Variants in VKORC1L1 observed in about 807,000 individuals in gnomAD.
VKORC1L1 encodes vitamin K epoxide reductase complex subunit 1-like protein 1.
VKORC1L1 carries 2 observed loss-of-function variants against 18.9 expected under a neutral mutation model. The observed-to-expected ratio is 0.11, with a 90% CI of 0.04 to 0.33. The LOEUF (loss-of-function observed/expected upper bound fraction) is 0.33, where lower values mean the gene tolerates loss of function less well. VKORC1L1 is among the 10% of genes least tolerant of loss of function. The probability of loss-of-function intolerance (pLI) is 1.00; values close to 1 mark genes in which losing one functional copy is unlikely to be tolerated. For missense variants in VKORC1L1, 123 were observed against 224.1 expected (o/e 0.55, Z 2.88); for synonymous variants, 96 against 100.0 (o/e 0.96, Z 0.24).
Position 65,873,283 on chromosome 7 carries a change from G to A in VKORC1L1, c.-89G>A. 1 of 1,012,092 alleles carries A rather than the reference G, an allele frequency of 9.9e-7. No individual in the cohort carries two copies. Among genetic ancestry groups the A allele is most frequent in the Non-Finnish European group, 1.2e-6 (1 of 849,494 alleles). The allele number at this position is 1,012,092 out of a possible 1,614,324, so 62.7% of individuals were successfully genotyped here. On this transcript the variant is annotated 5_prime_UTR_variant, in exon 1 of 3. In the 5' UTR this introduces an upstream ATG that the reference lacks. Coordinates refer to ENST00000360768, the MANE Select transcript of VKORC1L1 (RefSeq NM_173517.6). ...GGTGGCGGCGGCGGCGGAGGCGGCG[G>A]TGGCGGCGGTGGCGGCTGGGTCGGG...
chr7:65,908,242 C>T (rs1789438096), intron 1 of VKORC1L1, among the ~76,000 whole-genome samples: 1 of 152,156 alleles, frequency 6.6e-6, no homozygotes, highest in South Asian at 2.1e-4. Context: ...GTGAAACCGC[C>T]GTCCCTACTA....
Position 65,936,628 on chromosome 7 carries a change from C to A in VKORC1L1, c.195-12043C>A, listed in dbSNP as rs537245410. 2.6e-5 allele frequency among the ~76,000 whole-genome samples: 4 copies of A among 152,234 alleles called. No individual in the cohort carries two copies. In the East Asian group the frequency reaches 7.7e-4, roughly 29 times the overall value. On this transcript the variant is annotated intron_variant, in intron 1 of 2. Coordinates refer to ENST00000360768, the MANE Select transcript of VKORC1L1 (RefSeq NM_173517.6). ...TTTATTTCTGAGAGACTTTGCTGTG[C>A]CTTTGGGGTCTATTCCATGCATGTG...
rs71051319 is a variant in VKORC1L1 at position 65,898,077 on chromosome 7, GTTTTTTTTTTTTT to G, written c.194+24529_194+24541del. Among the ~76,000 whole-genome samples the G allele has an allele frequency of 6.3e-3, 519 of 83,002 alleles. 1 individual carries two copies. The highest frequency in any genetic ancestry group is 0.015 in the Middle Eastern group (2 of 134). 54.5% of individuals were successfully genotyped at this position (83,002 alleles called of 152,430 possible). A position where few individuals can be genotyped will look rare whatever the true frequency, so the allele number is the denominator to read the frequency against. On this transcript the variant is annotated intron_variant, in intron 1 of 2. Transcript: ENST00000360768. ...CAGTCATACAGTAAATTTGTAGCAGGTTTTTTTTTTTTTTTTTTTTTTTTTTTTTGAGACAGAG... is the reference window on the plus strand; with the variant it reads ...CAGTCATACAGTAAATTTGTAGCAGGTTTTTTTTTTTTTTTTGAGACAGAG...
chr7:65,953,392 T>C (rs923788222), intron 2 of VKORC1L1, among the ~76,000 whole-genome samples: 15 of 152,208 alleles, frequency 9.9e-5, no homozygotes, highest in African/African-American at 3.6e-4. Context: ...TCACCAAATG[T>C]GTGCAGCTCG....
chr7:65,941,115 T>TTTTTC (rs945927639), intron 1 of VKORC1L1, among the ~76,000 whole-genome samples: 1 of 152,114 alleles, frequency 6.6e-6, no homozygotes, highest in Non-Finnish European at 1.5e-5. Context: ...CTATTTCTTT[T>TTTTTC]TTTTCTTTTC....
chr7:65,888,296 G>A (rs533747903), intron 1 of VKORC1L1, among the ~76,000 whole-genome samples: 16 of 152,106 alleles, frequency 1.1e-4, no homozygotes, highest in East Asian at 3.8e-4. Context: ...AGGACTCTAC[G>A]TTTTATTCTT....
intron 1 of VKORC1L1, among the ~76,000 whole-genome samples, chr7:65,875,163 A>G (rs1443968688): frequency 6.6e-6 from 1 of 152,208 alleles, no homozygotes; most frequent in Non-Finnish European, 1.5e-5. Context: ...ATACAGTGAA[A>G]TTAAGAAATT....
At chr7:65,890,124 ATTTTTTTTTTTTT>A (rs35228954) in intron 1 of VKORC1L1, among the ~76,000 whole-genome samples, 54 of 90,472 alleles carry the variant, frequency 6.0e-4, no homozygotes, top group Admixed American at 1.0e-3. Flanking sequence ...CACCTGGGTA[ATTTTTTTTTTTTT>A]TTTTTTTTTT....
intron 1 of VKORC1L1, among the ~76,000 whole-genome samples, chr7:65,879,751 CCTTT>C (rs1562980436): frequency 1.3e-5 from 2 of 151,496 alleles, no homozygotes; most frequent in Non-Finnish European, 2.9e-5. Context: ...TTCCTTCCTT[CCTTT>C]TCTTTATTTT....
At chr7:65,926,489 A>C (rs1789767606) in intron 1 of VKORC1L1, among the ~76,000 whole-genome samples, 1 of 152,180 alleles carries the variant, frequency 6.6e-6, no homozygotes, top group South Asian at 2.1e-4. Flanking sequence ...ACACTTACAT[A>C]CTGCTGGTGA....
At chr7:65,917,064 G>C (rs62470895) in intron 1 of VKORC1L1, among the ~76,000 whole-genome samples, 1 of 151,918 alleles carries the variant, frequency 6.6e-6, no homozygotes, top group African/African-American at 2.4e-5. Flanking sequence ...AGCATATCAC[G>C]TAATTAGTCA....
chr7:65,881,823 T>C (rs1164580421), intron 1 of VKORC1L1, among the ~76,000 whole-genome samples: 1 of 152,236 alleles, frequency 6.6e-6, no homozygotes, highest in Non-Finnish European at 1.5e-5. Flanking sequence ...CTCATGCCTG[T>C]AATCCCAGCA....
intron 1 of VKORC1L1, among the ~76,000 whole-genome samples, chr7:65,915,608 C>G (rs1030382134): frequency 6.7e-6 from 1 of 149,682 alleles, no homozygotes; most frequent in Non-Finnish European, 1.5e-5. Context: ...GTCTCTCCAT[C>G]CCTTGCAGTT....
rs192088465 is a variant in VKORC1L1, at chr7:65,915,007, A to G, written c.195-33664A>G. ...GGTAACAGAGCAAGACCGTGTCTCA[A>G]AAAACAAAAAAACCCGCAAATACTT... On this transcript the variant is annotated intron_variant, in intron 1 of 2. Coordinates refer to ENST00000360768, the MANE Select transcript of VKORC1L1 (RefSeq NM_173517.6). 5.4e-3 allele frequency among the ~76,000 whole-genome samples: 819 copies of G among 152,274 alleles called. 3 individuals are homozygous for G. Among genetic ancestry groups the G allele is most frequent in the Non-Finnish European group, 8.4e-3 (572 of 68,008 alleles).
At chr7:65,887,418 T>G (rs1183217155) in intron 1 of VKORC1L1, among the ~76,000 whole-genome samples, 3 of 152,042 alleles carry the variant, frequency 2.0e-5, no homozygotes, top group Admixed American at 1.3e-4. Flanking sequence ...AAAGTATGTA[T>G]ACTTTATGAC....
rs999291961 is a variant in VKORC1L1 at position 65,873,239 on chromosome 7, CGGCGGCGGCGGCGGCGGTGGT to C, written c.-118_-98del. On this transcript the variant is annotated 5_prime_UTR_variant, in exon 1 of 3. Transcript: ENST00000360768. ...AGCAGGCCACCGAGCCAATGGGGCGCGGCGGCGGCGGCGGCGGTGGTGGCGGCGGCGGCGGAGGCGGCGGTG... is the reference window on the plus strand; with the variant it reads ...AGCAGGCCACCGAGCCAATGGGGCGCGGCGGCGGCGGCGGAGGCGGCGGTG... The C allele has an allele frequency of 4.9e-5, 42 of 863,978 alleles. No individual in the cohort carries two copies. Among genetic ancestry groups the C allele is most frequent in the Middle Eastern group, 5.9e-4 (1 of 1,696 alleles). 53.5% of individuals were successfully genotyped at this position (863,978 alleles called of 1,614,324 possible).
chr7:65,898,508 A>G (rs1255660146), intron 1 of VKORC1L1, among the ~76,000 whole-genome samples: 2 of 152,156 alleles, frequency 1.3e-5, no homozygotes, highest in Admixed American at 6.6e-5. Flanking sequence ...CCGTTTGTGT[A>G]TGGGTGTGTT....
intron 1 of VKORC1L1, among the ~76,000 whole-genome samples, chr7:65,876,622 C>A (rs1480183324): frequency 6.6e-6 from 1 of 152,222 alleles, no homozygotes; most frequent in African/African-American, 2.4e-5. Context: ...TTAGCAGTCC[C>A]TGCCCCCTTG....
chr7:65,909,857 A>T (rs1347095746), intron 1 of VKORC1L1, among the ~76,000 whole-genome samples: 3 of 151,976 alleles, frequency 2.0e-5, no homozygotes, highest in Admixed American at 6.6e-5. Context: ...AGCTGGGATT[A>T]CAGGCATGTG....
Sources: gnomAD v4.1 joint callset for allele counts (sites outside exome capture counted in the v4.1 genomes callset) on GRCh38, gnomAD v4.1.1 for gene constraint, MANE v1.5 for transcripts, NCBI Gene and HGNC (gene_info 2026-07-23, HGNC 2026-07-21) for gene names.